The following DYNC2I2 variants were observed in gnomAD, a reference collection of about 807,000 sequenced individuals.
DYNC2I2 encodes dynein 2 intermediate chain 2.
Under a neutral mutation model 52.0 loss-of-function variants are expected in DYNC2I2, and 39 were observed. The ratio of observed to expected loss-of-function variants is 0.75; its 90% CI spans 0.58 to 0.98. The LOEUF is 0.98. DYNC2I2 is among the 50% of genes least tolerant of loss of function. The pLI is 0.00. For synonymous variants in DYNC2I2, 359 were observed against 321.1 expected (o/e 1.12, Z -1.26); for missense variants, 743 against 728.4 (o/e 1.02, Z -0.23).
chr9:128,677,146 C>G, the DYNC2I2 span, among the ~76,000 whole-genome samples: 1 of 151,494 alleles, frequency 6.6e-6, no homozygotes, highest in African/African-American at 2.4e-5. Flanking sequence ...CCATGCCCAG[C>G]CAGTTTTATT....
At chr9:128,646,437 G>C (rs1274831029) in intron 1 of DYNC2I2, among the ~76,000 whole-genome samples, 1 of 152,164 alleles carries the variant, frequency 6.6e-6, no homozygotes, top group African/African-American at 2.4e-5. Context: ...TCAAACTCCT[G>C]AACCCAGGTG....
intron 1 of DYNC2I2, among the ~76,000 whole-genome samples, chr9:128,655,440 G>A (rs1397485142): frequency 6.8e-6 from 1 of 146,802 alleles, no homozygotes; most frequent in Non-Finnish European, 1.5e-5. Flanking sequence ...AAACCCGGGA[G>A]GCGGAGCTTG....
At chr9:128,680,448 G>A in the DYNC2I2 span, among the ~76,000 whole-genome samples, 2 of 151,902 alleles carry the variant, frequency 1.3e-5, no homozygotes, top group Non-Finnish European at 2.9e-5. Context: ...CGCGATCTCG[G>A]CTCACTGAAA....
intron 2 of DYNC2I2, among the ~76,000 whole-genome samples, chr9:128,637,671 G>A (rs1860441208): frequency 6.6e-6 from 1 of 152,154 alleles, no homozygotes; most frequent in African/African-American, 2.4e-5. Flanking sequence ...TCGAACTCCT[G>A]ACCTCAGGTG....
chr9:128,656,614 AGCGGCCCTGGCCGCCCCGGCCCCGG>A lies in DYNC2I2; in HGVS notation c.88_112del (p.Pro30CysfsTer86), dbSNP rs1300049062. ...CGCCACACCCAGGGTCTCGTCCTGCAGCGGCCCTGGCCGCCCCGGCCCCGGGCCGCTCGCAACCCCGACTGTCGCC... is the reference window on the plus strand; with the variant it reads ...CGCCACACCCAGGGTCTCGTCCTGCAGCCGCTCGCAACCCCGACTGTCGCC... On this transcript the variant is annotated frameshift_variant, in exon 1 of 9. Coordinates refer to ENST00000372715, the MANE Select transcript of DYNC2I2 (RefSeq NM_052844.4). LOFTEE classifies it high-confidence loss of function. 1 of 1,496,026 alleles carries A rather than the reference AGCGGCCCTGGCCGCCCCGGCCCCGG, an allele frequency of 6.7e-7. No homozygotes were observed. The highest frequency in any genetic ancestry group is 2.8e-5 in the East Asian group (1 of 35,468). The allele number at this position is 1,496,026 out of a possible 1,614,324, so 92.7% of individuals were successfully genotyped here.
chr9:128,668,482 T>G, the DYNC2I2 span, among the ~76,000 whole-genome samples: 1 of 150,188 alleles, frequency 6.7e-6, no homozygotes, highest in African/African-American at 2.5e-5. Flanking sequence ...GATTGTGTCA[T>G]CACACTCCAG....
chr9:128,637,169 C>G (rs1589430249), intron 2 of DYNC2I2, 142 bp from the exon 3 acceptor site: 2 of 615,064 alleles, frequency 3.3e-6, no homozygotes, highest in East Asian at 5.5e-5. Flanking sequence ...AAATGTGGCA[C>G]GTTCATCCCC....
In DYNC2I2 at chr9:128,640,685, C is replaced by G. The variant is rs756949101; in HGVS notation, c.435+6G>C. On this transcript the variant is annotated splice_donor_region_variant and intron_variant, in intron 2 of 8. Coordinates refer to ENST00000372715, the MANE Select transcript of DYNC2I2 (RefSeq NM_052844.4). ...CGACCCGAGGCTGCACCAGCCCATC[C>G]CCTACCATCTGCTGCTGCTCGGTCC... 4 of 1,612,936 alleles carry G rather than the reference C, an allele frequency of 2.5e-6. No homozygotes were observed. The Admixed American group carries it at 6.7e-5, about 27-fold the overall frequency.
intron 5 of DYNC2I2, 184 bp downstream of exon 5, chr9:128,635,474 G>A: frequency 2.5e-6 from 2 of 787,172 alleles, no homozygotes; most frequent in East Asian, 2.7e-5. Flanking sequence ...TGCAGAGGAG[G>A]CTGGGAATGG....
the DYNC2I2 span, among the ~76,000 whole-genome samples, chr9:128,682,955 C>CTTGA: frequency 1.3e-5 from 2 of 150,162 alleles, no homozygotes; most frequent in East Asian, 3.9e-4. Context: ...GGATTACAGG[C>CTTGA]TTGAGTCACT....
chr9:128,636,114 C>A, intron 4 of DYNC2I2, 167 bp downstream of exon 4: 1 of 1,084,096 alleles, frequency 9.2e-7, no homozygotes, highest in Non-Finnish European at 1.4e-6. Flanking sequence ...CCGAGTTCCA[C>A]CCCTCAGGGC....
chr9:128,634,176 C>T (rs769443352), intron 8 of DYNC2I2, 50 bp downstream of exon 8: 5 of 1,608,236 alleles, frequency 3.1e-6, no homozygotes, highest in Non-Finnish European at 3.4e-6. Flanking sequence ...CAAGCAGGGC[C>T]CAGACCACCC....
the DYNC2I2 span, among the ~76,000 whole-genome samples, chr9:128,676,683 C>T: frequency 2.6e-5 from 4 of 151,960 alleles, no homozygotes; most frequent in Non-Finnish European, 4.4e-5. Context: ...AGGCACCTGT[C>T]ACCACGCCAG....
chr9:128,656,412 GC>G, intron 1 of DYNC2I2, 128 bp downstream of exon 1: 1 of 679,122 alleles, frequency 1.5e-6, no homozygotes, highest in East Asian at 5.1e-5. Context: ...GCCCGAACCC[GC>G]CCGGCAGCCA....
chr9:128,667,475 G>A, the DYNC2I2 span, among the ~76,000 whole-genome samples: 4 of 151,128 alleles, frequency 2.6e-5, no homozygotes, highest in South Asian at 2.1e-4. Flanking sequence ...ACAGGCGCCC[G>A]CCACCACGCC....
chr9:128,645,542 A>G (rs112507302), intron 1 of DYNC2I2, among the ~76,000 whole-genome samples: 4,177 of 142,812 alleles, frequency 0.029, 185 homozygotes, highest in African/African-American at 0.1. Flanking sequence ...ACTTGAACCC[A>G]AAAAGCAGAG....
At position 128,651,544 on chromosome 9, in the gene DYNC2I2, G is replaced by A. The variant is rs1330763941; in HGVS notation, c.186+4997C>T. 5.5e-5 allele frequency: 3 copies of A among 55,040 alleles called. 1 individual carries two copies. The highest frequency in any genetic ancestry group is 1.1e-4 in the African/African-American group (3 of 27,690). The allele number at this position is 55,040 out of a possible 1,614,324, so 3.4% of individuals were successfully genotyped here. ...GAGACTGTCTCAAAAAACACTACTGGAAGGACCTTGCCAAACTATCAGGAG... is the reference window on the plus strand; with the variant it reads ...GAGACTGTCTCAAAAAACACTACTGAAAGGACCTTGCCAAACTATCAGGAG... On this transcript the variant is annotated intron_variant, in intron 1 of 8. Transcript: ENST00000372715.
At chr9:128,641,480 C>CCCTG (rs750955150) in intron 1 of DYNC2I2, among the ~76,000 whole-genome samples, 9 of 152,160 alleles carry the variant, frequency 5.9e-5, no homozygotes, top group Non-Finnish European at 1.2e-4. Context: ...TTGCTCTCCA[C>CCCTG]CCTGCCACCA....
chr9:128,636,041 C>T, intron 4 of DYNC2I2: 1 of 748,270 alleles, frequency 1.3e-6, no homozygotes, highest in Non-Finnish European at 2.3e-6. Flanking sequence ...GCACCTGCCT[C>T]TTCTGGCCTC....
Sources: allele counts gnomAD v4.1 joint callset (sites outside exome capture counted in the v4.1 genomes callset), GRCh38; gene constraint gnomAD v4.1.1; transcripts MANE v1.5; gene names NCBI Gene and HGNC (gene_info 2026-07-23, HGNC 2026-07-21).